The following SLC47A1 variants were observed in gnomAD, a reference collection of about 807,000 sequenced individuals.
SLC47A1 encodes solute carrier family 47 member 1, also known as multidrug and toxin extrusion protein 1.
In SLC47A1, 58 loss-of-function variants were observed where a neutral mutation model predicts 65.8. The observed-to-expected ratio is 0.88, with a 90% CI of 0.71 to 1.10. SLC47A1 has a LOEUF of 1.10. Ranked by LOEUF, SLC47A1 falls within the 50% of genes least tolerant of loss-of-function variation. The probability of loss-of-function intolerance (pLI) is 0.00; values close to 1 mark genes in which losing one functional copy is unlikely to be tolerated. For synonymous variants in SLC47A1, 285 were observed against 295.0 expected (o/e 0.97, Z 0.35); for missense variants, 706 against 719.2 (o/e 0.98, Z 0.21).
chr17:19,541,422 G>A (rs978529906), intron 1 of SLC47A1, among the ~76,000 whole-genome samples: 5 of 152,176 alleles, frequency 3.3e-5, no homozygotes, highest in Non-Finnish European at 7.3e-5. Context: ...GGCAGGAGGT[G>A]ATTTTAAGTT....
At position 19,555,889 on chromosome 17, in the gene SLC47A1, A is replaced by G; in HGVS notation, c.833A>G (p.Glu278Gly). 6.2e-7 allele frequency: 1 copy of G among 1,613,884 alleles called. No homozygotes were observed. Among genetic ancestry groups the G allele is most frequent in the Non-Finnish European group, 8.5e-7 (1 of 1,179,998 alleles). The stretch of plus-strand genomic sequence containing the variant: ...CTGTGCATGGAGTGGTGGGCCTATG[A>G]GGTCGGGAGCTTCCTCAGTGGTCTG... ...LMLCMEWWAYEVGSFLSGILG... is the reference protein window; with the variant it reads ...LMLCMEWWAYGVGSFLSGILG... Residue 278 changes from glutamate to glycine, a missense_variant, in exon 9 of 17, where the codon GAG becomes GGG. Coordinates refer to ENST00000270570, the MANE Select transcript of SLC47A1 (RefSeq NM_018242.3).
chr17:19,539,206 C>T (rs1014862132), intron 1 of SLC47A1, among the ~76,000 whole-genome samples: 1 of 152,114 alleles, frequency 6.6e-6, no homozygotes, highest in Non-Finnish European at 1.5e-5. Context: ...CCACCGTGCC[C>T]GGCCCAGTCT....
At chr17:19,553,992 C>G (rs1166487686) in intron 6 of SLC47A1, among the ~76,000 whole-genome samples, 1 of 152,212 alleles carries the variant, frequency 6.6e-6, no homozygotes, top group Non-Finnish European at 1.5e-5. Flanking sequence ...GTGGCCTACA[C>G]AAGTTGTCGG....
At chr17:19,561,545 A>C (rs1428313049) in intron 12 of SLC47A1, among the ~76,000 whole-genome samples, 1 of 149,230 alleles carries the variant, frequency 6.7e-6, no homozygotes, top group Non-Finnish European at 1.5e-5. Flanking sequence ...TGGGAGGCTG[A>C]GGTAGGAGAA....
At position 19,567,342 on chromosome 17, in the gene SLC47A1, C is replaced by A. The variant is rs545149204; in HGVS notation, c.1309+114C>A. The stretch of plus-strand genomic sequence containing the variant: ...CCTCTGAAACTCGGGAGCTCGCCCA[C>A]GTCCATTCTGTGTCTTGTCAGAGAG... On this transcript the variant is annotated intron_variant, in intron 14 of 16. Coordinates refer to ENST00000270570, the MANE Select transcript of SLC47A1 (RefSeq NM_018242.3). 2.7e-6 allele frequency: 4 copies of A among 1,454,692 alleles called. No individual in the cohort carries two copies. In the Admixed American group the frequency reaches 7.1e-5, roughly 26 times the overall value. 90.1% of individuals were successfully genotyped at this position (1,454,692 alleles called of 1,614,324 possible).
At position 19,551,454 on chromosome 17, in the gene SLC47A1, T is replaced by C; in HGVS notation, c.529T>C (p.Tyr177His). The C allele has an allele frequency of 1.2e-6, 2 of 1,610,166 alleles. No homozygotes were observed. Among genetic ancestry groups the C allele is most frequent in the Non-Finnish European group, 1.7e-6 (2 of 1,176,342 alleles). ...CTTTCTTTATATGTTACAAGTTAAATATTTGCTCAACCAGGTAATACTGAC... is the reference window on the plus strand; with the variant it reads ...CTTTCTTTATATGTTACAAGTTAAACATTTGCTCAACCAGGTAATACTGAC... ...ATFLYMLQVK[Y>H]LLNQGIVLPQ... The change falls in exon 6 of 17, where the codon TAT becomes CAT. Residue 177 changes from tyrosine (Y) to histidine (H), a missense_variant. Tyr to His is a moderately conservative substitution (Grantham distance 83, BLOSUM62 2). Coordinates refer to ENST00000270570, the MANE Select transcript of SLC47A1 (RefSeq NM_018242.3).
At chr17:19,556,165 T>A in intron 10 of SLC47A1, 103 bp downstream of exon 10, 4 of 1,328,528 alleles carry the variant, frequency 3.0e-6, no homozygotes, top group Non-Finnish European at 4.3e-6. Context: ...GAATCATTTG[T>A]GAAATGATGG....
chr17:19,578,244 G>A lies in SLC47A1; in HGVS notation c.*691G>A, dbSNP rs1236181724. The A allele has an allele frequency of 2.9e-6, 1 of 346,858 alleles. No homozygotes were observed. The highest frequency in any genetic ancestry group is 5.7e-6 in the Non-Finnish European group (1 of 175,810). 21.5% of individuals were successfully genotyped at this position (346,858 alleles called of 1,614,324 possible). The stretch of plus-strand genomic sequence containing the variant: ...TTCGAGCTGTGGAAATCCAAACAAA[G>A]ACTGATAATTCCTGGTAGGGGTGTG... On this transcript the variant is annotated 3_prime_UTR_variant, in exon 17 of 17. Coordinates refer to ENST00000270570, the MANE Select transcript of SLC47A1 (RefSeq NM_018242.3).
intron 2 of SLC47A1, among the ~76,000 whole-genome samples, chr17:19,545,367 G>A (rs1290287233): frequency 6.6e-6 from 1 of 152,038 alleles, no homozygotes; most frequent in Admixed American, 6.6e-5. Flanking sequence ...GCTAATTTTT[G>A]TATTTTAGTA....
intron 2 of SLC47A1, 75 bp from the exon 3 acceptor site, chr17:19,546,360 A>G: frequency 2.1e-6 from 3 of 1,452,900 alleles, no homozygotes; most frequent in South Asian, 2.4e-5. Context: ...GCAGGCTCTT[A>G]TCAATACACA....
chr17:19,551,544 A>T (rs1916448209), intron 6 of SLC47A1, 76 bp downstream of exon 6: 1 of 1,344,850 alleles, frequency 7.4e-7, no homozygotes, highest in Non-Finnish European at 1.1e-6. Context: ...CCCTGAAGAT[A>T]CTCCAGGACC....
rs763018779 is a variant in SLC47A1 at position 19,555,581 on chromosome 17, T to C, written c.642-12T>C. ...GAAGGTACCTCCCTCTCATTGGGAC[T>C]GTTCTTTCCAGAGGCTCTGCACTGG... On this transcript the variant is annotated splice_polypyrimidine_tract_variant and intron_variant, in intron 7 of 16. Coordinates refer to ENST00000270570, the MANE Select transcript of SLC47A1 (RefSeq NM_018242.3). The C allele has an allele frequency of 1.9e-6, 3 of 1,613,672 alleles. No individual in the cohort carries two copies. The highest frequency in any genetic ancestry group is 1.7e-5 in the Admixed American group (1 of 60,018).
chr17:19,542,974 T>G (rs538508904), intron 2 of SLC47A1, among the ~76,000 whole-genome samples: 64 of 152,046 alleles, frequency 4.2e-4, no homozygotes, highest in Non-Finnish European at 8.1e-4. Context: ...GTATTTTTAG[T>G]AGAGATGGGG....
chr17:19,570,790 G>T (rs1034548720), intron 14 of SLC47A1: 5 of 152,298 alleles, frequency 3.3e-5, no homozygotes, highest in African/African-American at 1.2e-4. Flanking sequence ...CTTGGTTATT[G>T]TTGGAGCTTT....
In SLC47A1 at chr17:19,556,038, TGA is replaced by T; in HGVS notation, c.898_899del (p.Glu300ThrfsTer58). 1 of 1,614,134 alleles carries T rather than the reference TGA, an allele frequency of 6.2e-7. No homozygotes were observed. Among genetic ancestry groups the T allele is most frequent in the Non-Finnish European group, 8.5e-7 (1 of 1,180,032 alleles). ...VELGAQSIVY[E>X]LAIIVYMVPA... Reference sequence around the variant, plus strand: ...AGCTGGGCGCTCAGTCCATCGTGTATGAACTGGCCATCATTGTGTACATGGTA... The same window carrying T: ...AGCTGGGCGCTCAGTCCATCGTGTATACTGGCCATCATTGTGTACATGGTA... On this transcript the variant is annotated frameshift_variant, in exon 10 of 17. Transcript: ENST00000270570. LOFTEE classifies it high-confidence loss of function.
At chr17:19,547,538 A>T (rs191014226) in intron 3 of SLC47A1, among the ~76,000 whole-genome samples, 20 of 151,390 alleles carry the variant, frequency 1.3e-4, no homozygotes, top group Admixed American at 7.2e-4. Flanking sequence ...ATTTTTTTTT[A>T]AAAAAAGGTA....
chr17:19,543,640 C>T (rs1916211966), intron 2 of SLC47A1, among the ~76,000 whole-genome samples: 1 of 152,170 alleles, frequency 6.6e-6, no homozygotes, highest in South Asian at 2.1e-4. Context: ...AACTGCAAAT[C>T]CTCTCTGTAT....
chr17:19,543,637 A>G (rs1279317912), intron 2 of SLC47A1, among the ~76,000 whole-genome samples: 1 of 152,212 alleles, frequency 6.6e-6, no homozygotes, highest in African/African-American at 2.4e-5. Context: ...AGGAACTGCA[A>G]ATCCTCTCTG....
At chr17:19,548,624 C>T (rs1165111367) in intron 4 of SLC47A1, among the ~76,000 whole-genome samples, 2 of 151,836 alleles carry the variant, frequency 1.3e-5, no homozygotes, top group Non-Finnish European at 1.5e-5. Flanking sequence ...CTCAGGCTCC[C>T]GAGTAGCTGA....
Sources: allele counts gnomAD v4.1 joint callset (sites outside exome capture counted in the v4.1 genomes callset), GRCh38; gene constraint gnomAD v4.1.1; transcripts MANE v1.5; gene names NCBI Gene and HGNC (gene_info 2026-07-23, HGNC 2026-07-21).